The following PHLPP1 variants were observed in gnomAD, a reference collection of about 807,000 sequenced individuals.
PHLPP1 encodes the protein PH domain leucine-rich repeat-containing protein phosphatase 1.
In PHLPP1, 42 loss-of-function variants were observed where a neutral mutation model predicts 117.2. The ratio of observed to expected loss-of-function variants is 0.36; its 90% confidence interval spans 0.28 to 0.46. The LOEUF (loss-of-function observed/expected upper bound fraction) is 0.46, where lower values mean the gene tolerates loss of function less well. Among genes scored for constraint, PHLPP1 ranks in the 20% least tolerant of loss-of-function variants. The pLI, the probability that PHLPP1 is intolerant of heterozygous loss-of-function variation, is 1.00. For synonymous variants in PHLPP1, 1,042 were observed against 970.7 expected (o/e 1.07, Z -1.37); for missense variants, 2,084 against 2,241.9 (o/e 0.93, Z 1.42).
chr18:62,822,015 G>A (rs1352889394), intron 1 of PHLPP1, among the ~76,000 whole-genome samples: 1 of 152,136 alleles, frequency 6.6e-6, no homozygotes, highest in Non-Finnish European at 1.5e-5. Context: ...AAGATCACCT[G>A]AGCCCAGGAG....
intron 2 of PHLPP1, among the ~76,000 whole-genome samples, chr18:62,835,767 C>T: frequency 6.9e-6 from 1 of 144,404 alleles, no homozygotes; most frequent in Admixed American, 6.9e-5. Flanking sequence ...GAGGTAAATT[C>T]AACTGGTTCT....
chr18:62,859,256 A>G (rs1024467167), intron 3 of PHLPP1, among the ~76,000 whole-genome samples: 1 of 152,238 alleles, frequency 6.6e-6, no homozygotes, highest in African/African-American at 2.4e-5. Flanking sequence ...GTGGGGCTGA[A>G]GCCATGTGCT....
intron 1 of PHLPP1, among the ~76,000 whole-genome samples, chr18:62,809,791 C>T (rs556671445): frequency 4.7e-4 from 72 of 151,646 alleles, no homozygotes; most frequent in Non-Finnish European, 9.7e-4. Context: ...CTGTTTTTAC[C>T]CTAGATGCTG....
In PHLPP1 at chr18:62,978,219, T is replaced by G. The variant is rs1340735722; in HGVS notation, c.3985-43T>G. On this transcript the variant is annotated intron_variant, in intron 16 of 16. Coordinates refer to ENST00000262719, the MANE Select transcript of PHLPP1 (RefSeq NM_194449.4). This position sits in a 1 kb window ranked among gnomAD's most constrained non-coding sequence, Gnocchi z 7.0. ...AGGGAACCTGCACAGTTGCCGCAGG[T>G]GCTCTGTATTAACTGTCTGTCTGCA... The G allele has an allele frequency of 8.4e-7, 1 of 1,196,366 alleles. No homozygotes were observed. Among genetic ancestry groups the G allele is most frequent in the African/African-American group, 1.5e-5 (1 of 66,764 alleles). The allele number at this position is 1,196,366 out of a possible 1,614,324, so 74.1% of individuals were successfully genotyped here.
intron 4 of PHLPP1, among the ~76,000 whole-genome samples, chr18:62,893,045 CTT>C (rs1160191635): frequency 1.1e-4 from 16 of 139,562 alleles, no homozygotes; most frequent in Non-Finnish European, 6.3e-5. Flanking sequence ...AGTGGATAGG[CTT>C]TTTTTTTTTT....
rs973861142 is a variant in PHLPP1 at position 62,715,806 on chromosome 18, G to A, written c.123G>A (p.Leu41=). The A allele has an allele frequency of 2.5e-6, 2 of 793,872 alleles. No homozygotes were observed. Among genetic ancestry groups the A allele is most frequent in the Non-Finnish European group, 3.1e-6 (2 of 646,510 alleles). 49.2% of individuals were successfully genotyped at this position (793,872 alleles called of 1,614,324 possible). Residue 41 remains leucine (L), a synonymous_variant, in exon 1 of 17, where the codon CTG becomes CTA. Coordinates refer to ENST00000262719, the MANE Select transcript of PHLPP1 (RefSeq NM_194449.4). ...CAGCAGCGGCGGCCGCGGCGGCTCT[G>A]GCGGCGGCGGCCGGGGGCGGCCGGA... ...AAAAAAAAAA[L]AAAAGGGRSP...
intron 3 of PHLPP1, among the ~76,000 whole-genome samples, chr18:62,849,318 TTTAAAG>T (rs1915261935): frequency 6.6e-6 from 1 of 152,158 alleles, no homozygotes; most frequent in East Asian, 1.9e-4. Flanking sequence ...CATGTTATAT[TTTAAAG>T]TTAAATTCTT....
intron 1 of PHLPP1, among the ~76,000 whole-genome samples, chr18:62,742,221 G>A (rs777381546): frequency 6.6e-6 from 1 of 152,080 alleles, no homozygotes; most frequent in Non-Finnish European, 1.5e-5. Flanking sequence ...TAAAAGTAAC[G>A]CGGTCTTTTC....
At chr18:62,896,622 T>C (rs1224184628) in intron 6 of PHLPP1, among the ~76,000 whole-genome samples, 1 of 152,068 alleles carries the variant, frequency 6.6e-6, no homozygotes, top group Non-Finnish European at 1.5e-5. Flanking sequence ...TTTAAAGAGA[T>C]GGGGCCTTGC....
At chr18:62,881,936 G>A (rs1916183413) in intron 4 of PHLPP1, among the ~76,000 whole-genome samples, 1 of 152,222 alleles carries the variant, frequency 6.6e-6, no homozygotes, top group Non-Finnish European at 1.5e-5. Flanking sequence ...CAATTCTGAA[G>A]CAGGCACAAT....
intron 12 of PHLPP1, among the ~76,000 whole-genome samples, chr18:62,954,316 G>C (rs1031566326): frequency 2.0e-5 from 3 of 152,204 alleles, no homozygotes; most frequent in Non-Finnish European, 4.4e-5. Flanking sequence ...TCGTGTTTTA[G>C]CCAGATTTAA....
chr18:62,961,432 G>A (rs578053465), intron 13 of PHLPP1, among the ~76,000 whole-genome samples: 2 of 152,274 alleles, frequency 1.3e-5, no homozygotes, highest in African/African-American at 2.4e-5. Flanking sequence ...CTGGGGAGAG[G>A]GGGCAGTTAA....
chr18:62,941,291 G>A (rs148722371), intron 10 of PHLPP1, among the ~76,000 whole-genome samples: 79 of 152,142 alleles, frequency 5.2e-4, no homozygotes, highest in African/African-American at 1.8e-3. Context: ...TTTTTATAGA[G>A]GCAGGATCTT....
At chr18:62,806,146 T>TATC (rs1187913536) in intron 1 of PHLPP1, among the ~76,000 whole-genome samples, 1 of 152,134 alleles carries the variant, frequency 6.6e-6, no homozygotes, top group Non-Finnish European at 1.5e-5. Context: ...TGAGAAGTGC[T>TATC]ATCTTTATTT....
chr18:62,836,138 A>AAACT (rs1470980287), intron 2 of PHLPP1, among the ~76,000 whole-genome samples: 45 of 151,596 alleles, frequency 3.0e-4, no homozygotes, highest in Non-Finnish European at 5.0e-4. Context: ...ATAAATAAAT[A>AAACT]AATTAATTAA....
intron 1 of PHLPP1, among the ~76,000 whole-genome samples, chr18:62,779,212 A>G (rs1913052249): frequency 6.6e-6 from 1 of 151,208 alleles, no homozygotes; most frequent in African/African-American, 2.4e-5. Context: ...AGGCCTTTGT[A>G]TTTGTGGTCC....
intron 11 of PHLPP1, among the ~76,000 whole-genome samples, chr18:62,943,323 T>TCTCACAC (rs1329540518): frequency 2.6e-5 from 4 of 152,134 alleles, no homozygotes; most frequent in Non-Finnish European, 5.9e-5. Context: ...CAGCCTCATA[T>TCTCACAC]CTCACACAAG....
chr18:62,769,884 C>CT (rs1912696920), intron 1 of PHLPP1, among the ~76,000 whole-genome samples: 1 of 152,098 alleles, frequency 6.6e-6, no homozygotes, highest in Non-Finnish European at 1.5e-5. Flanking sequence ...CTTATCATTA[C>CT]TTTTTGTTCT....
At position 62,963,362 on chromosome 18, in the gene PHLPP1, T is replaced by C; in HGVS notation, c.3456-6T>C. On this transcript the variant is annotated splice_region_variant and splice_polypyrimidine_tract_variant and intron_variant, in intron 13 of 16. Coordinates refer to ENST00000262719, the MANE Select transcript of PHLPP1 (RefSeq NM_194449.4). ...ATTCCTGTTCCCTCCCTGTTTCTCT[T>C]GTTAGTAATATCCGCTGTTTCAAGA... is the stretch of plus-strand genomic sequence containing the variant. 6.2e-7 allele frequency: 1 copy of C among 1,600,690 alleles called. No homozygotes were observed. The highest frequency in any genetic ancestry group is 8.6e-7 in the Non-Finnish European group (1 of 1,169,420).
Sources: gnomAD v4.1 joint callset for allele counts (sites outside exome capture counted in the v4.1 genomes callset) on GRCh38, gnomAD v4.1.1 for gene constraint, Gnocchi (gnomAD v3.1) non-coding constraint, MANE v1.5 for transcripts, NCBI Gene and HGNC (gene_info 2026-07-23, HGNC 2026-07-21) for gene names.